C8orf34: variants seen among roughly 807,000 people sequenced by gnomAD.
C8orf34 encodes the protein chromosome 8 open reading frame 34.
Under a neutral mutation model 68.3 loss-of-function variants are expected in C8orf34, and 65 were observed. The observed-to-expected ratio is 0.95, with a 90% CI of 0.78 to 1.17. The LOEUF is 1.17. Ranked by LOEUF, C8orf34 falls within the 50% of genes most tolerant of loss-of-function variation. The probability of loss-of-function intolerance (pLI) is 0.00; values close to 1 mark genes in which losing one functional copy is unlikely to be tolerated. For synonymous variants in C8orf34, 244 were observed against 241.2 expected, an observed-to-expected ratio of 1.01 and a Z score of -0.11; for missense variants, 664 against 655.4, an observed-to-expected ratio of 1.01 and a Z score of -0.14.
chr8:68,606,009 C>T (rs959026088), intron 7 of C8orf34, among the ~76,000 whole-genome samples: 10 of 152,040 alleles, frequency 6.6e-5, no homozygotes, highest in Non-Finnish European at 1.3e-4. Context: ...TGCTCAGTTT[C>T]GCTGTGAACA....
chr8:68,691,845 CTG>C (rs1291661322), intron 8 of C8orf34, among the ~76,000 whole-genome samples: 3 of 152,066 alleles, frequency 2.0e-5, no homozygotes, highest in African/African-American at 7.2e-5. Context: ...TGTCAAATGA[CTG>C]TGTATTTTCT....
intron 9 of C8orf34, among the ~76,000 whole-genome samples, chr8:68,714,742 A>C (rs1450104640): frequency 6.6e-6 from 1 of 152,142 alleles, no homozygotes; most frequent in Non-Finnish European, 1.5e-5. Context: ...TCAAAATATC[A>C]CCATCATTCT....
At chr8:68,511,763 CAGAG>C (rs1451198301) in intron 5 of C8orf34, among the ~76,000 whole-genome samples, 2 of 152,018 alleles carry the variant, frequency 1.3e-5, no homozygotes, top group Non-Finnish European at 2.9e-5. Flanking sequence ...AAGAACCAGG[CAGAG>C]AGAAACAAAC....
intron 3 of C8orf34, among the ~76,000 whole-genome samples, chr8:68,458,753 G>A (rs1274889649): frequency 6.6e-6 from 1 of 152,164 alleles, no homozygotes; most frequent in Non-Finnish European, 1.5e-5. Context: ...TTTCTGGATT[G>A]ATCACGGTTA....
intron 5 of C8orf34, among the ~76,000 whole-genome samples, chr8:68,509,729 C>T (rs1410944389): frequency 2.6e-5 from 4 of 152,142 alleles, no homozygotes; most frequent in African/African-American, 7.2e-5. Context: ...CCCTGGTTCC[C>T]TTCTCTTCCT....
intron 8 of C8orf34, among the ~76,000 whole-genome samples, chr8:68,696,352 T>TTA (rs999989253): frequency 2.1e-4 from 31 of 148,424 alleles, no homozygotes; most frequent in African/African-American, 6.6e-4. Context: ...TATATATTGA[T>TTA]TATATATATA....
chr8:68,653,700 C>T (rs918179746), intron 8 of C8orf34, among the ~76,000 whole-genome samples: 2 of 152,080 alleles, frequency 1.3e-5, no homozygotes, highest in Admixed American at 6.6e-5. Context: ...GTACTAATTG[C>T]GTTCATGAGG....
chr8:68,809,506 A>ATGG (rs5892157), intron 12 of C8orf34, among the ~76,000 whole-genome samples: 74,013 of 151,782 alleles, frequency 0.49, 20,430 homozygotes, highest in African/African-American at 0.76. Flanking sequence ...GGAGCCAGCC[A>ATGG]TGGTGCATGC....
chr8:68,808,583 TAAA>T (rs988427625), intron 12 of C8orf34, among the ~76,000 whole-genome samples: 1 of 150,958 alleles, frequency 6.6e-6, no homozygotes. Flanking sequence ...AAATAAAAAA[TAAA>T]AACATTTGCA....
At chr8:68,532,217 C>T (rs760413819) in intron 6 of C8orf34, among the ~76,000 whole-genome samples, 7 of 152,108 alleles carry the variant, frequency 4.6e-5, no homozygotes, top group Non-Finnish European at 8.8e-5. Flanking sequence ...ATACAATGGA[C>T]TATCCTCACG....
chr8:68,757,027 TA>T (rs766652192), intron 10 of C8orf34, among the ~76,000 whole-genome samples: 2 of 152,122 alleles, frequency 1.3e-5, no homozygotes, highest in East Asian at 3.8e-4. Flanking sequence ...CTTCACAAGA[TA>T]AAAAAAGGTA....
chr8:68,677,300 C>T (rs188149506), intron 8 of C8orf34, among the ~76,000 whole-genome samples: 1 of 152,138 alleles, frequency 6.6e-6, no homozygotes, highest in Admixed American at 6.5e-5. Context: ...AAGTTTATAG[C>T]TATAAGCACC....
At chr8:68,467,229 C>T (rs1408639215) in intron 3 of C8orf34, among the ~76,000 whole-genome samples, 2 of 151,776 alleles carry the variant, frequency 1.3e-5, no homozygotes, top group African/African-American at 4.8e-5. Context: ...AATATGTACT[C>T]TACATTGGTA....
At chr8:68,693,391 A>C (rs568055058) in intron 8 of C8orf34, among the ~76,000 whole-genome samples, 1 of 152,092 alleles carries the variant, frequency 6.6e-6, no homozygotes, top group African/African-American at 2.4e-5. Context: ...TGATTTTACT[A>C]CTTACTAGGT....
At chr8:68,678,457 C>T (rs1820260205) in intron 8 of C8orf34, among the ~76,000 whole-genome samples, 1 of 152,008 alleles carries the variant, frequency 6.6e-6, no homozygotes, top group African/African-American at 2.4e-5. Flanking sequence ...GTTTGATACA[C>T]CATATCAAGA....
At chr8:68,372,313 C>T (rs1159672636) in intron 1 of C8orf34, among the ~76,000 whole-genome samples, 1 of 152,170 alleles carries the variant, frequency 6.6e-6, no homozygotes, top group Non-Finnish European at 1.5e-5. Context: ...TTAATAACTT[C>T]AGGAAGCAGC....
chr8:68,463,364 A>G (rs1811943534), intron 3 of C8orf34, among the ~76,000 whole-genome samples: 1 of 152,130 alleles, frequency 6.6e-6, no homozygotes, highest in South Asian at 2.1e-4. Context: ...CCAGAGGTAC[A>G]AGGAGGAACT....
intron 8 of C8orf34, among the ~76,000 whole-genome samples, chr8:68,687,509 G>A (rs982981611): frequency 2.0e-5 from 3 of 151,928 alleles, no homozygotes; most frequent in African/African-American, 7.3e-5. Flanking sequence ...CCATAAATTA[G>A]GGAAAGGACA....
intron 1 of C8orf34, among the ~76,000 whole-genome samples, chr8:68,367,747 G>T (rs1296446969): frequency 1.6e-4 from 21 of 130,162 alleles, no homozygotes; most frequent in African/African-American, 4.9e-4. Context: ...TGGGGACTGT[G>T]GTGGGGTGGG....
Sources: allele counts gnomAD v4.1 joint callset (sites outside exome capture counted in the v4.1 genomes callset), GRCh38; gene constraint gnomAD v4.1.1; transcripts MANE v1.5; gene names NCBI Gene and HGNC (gene_info 2026-07-23, HGNC 2026-07-21).